The following PRMT8 variants were observed in gnomAD, a reference collection of about 807,000 sequenced individuals.
The protein encoded by PRMT8 is protein arginine N-methyltransferase 8.
Under a neutral mutation model 47.1 loss-of-function variants are expected in PRMT8, and 7 were observed. The ratio of observed to expected loss-of-function variants is 0.15; its 90% CI spans 0.08 to 0.28. The LOEUF (loss-of-function observed/expected upper bound fraction) is 0.28, where lower values mean the gene tolerates loss of function less well. Among genes scored for constraint, PRMT8 ranks in the 10% least tolerant of loss-of-function variants. PRMT8 has a pLI of 1.00. For missense variants in PRMT8, 237 were observed against 505.4 expected (o/e 0.47, Z 5.09); for synonymous variants, 188 against 186.5 (o/e 1.01, Z -0.07).
intron 1 of PRMT8, among the ~76,000 whole-genome samples, chr12:3,430,083 C>T (rs1355540109): frequency 6.6e-6 from 1 of 152,234 alleles, no homozygotes; most frequent in Non-Finnish European, 1.5e-5. Context: ...AAACTGAGCT[C>T]TCTGAGTGAG....
chr12:3,384,392 A>G (rs1222158564), intron 1 of PRMT8, among the ~76,000 whole-genome samples: 2 of 152,142 alleles, frequency 1.3e-5, no homozygotes, highest in African/African-American at 2.4e-5. Context: ...ACAATATACT[A>G]TTTACACTAT....
chr12:3,424,386 C>T (rs1308105299), intron 1 of PRMT8, among the ~76,000 whole-genome samples: 1 of 152,172 alleles, frequency 6.6e-6, no homozygotes, highest in East Asian at 1.9e-4. Context: ...GCAAATGACG[C>T]AAGACCAGCA....
intron 1 of PRMT8, among the ~76,000 whole-genome samples, chr12:3,442,413 G>A (rs1221567890): frequency 6.6e-6 from 1 of 152,110 alleles, no homozygotes; most frequent in Non-Finnish European, 1.5e-5. Context: ...GGGAGGCAGA[G>A]AAAAGGGGAG....
chr12:3,405,378 C>T (rs1864362235), intron 1 of PRMT8, among the ~76,000 whole-genome samples: 2 of 152,156 alleles, frequency 1.3e-5, no homozygotes, highest in Admixed American at 1.3e-4. Context: ...ACAGCCAAAC[C>T]ATGTCATTCC....
chr12:3,553,444 C>G (rs71581776), intron 3 of PRMT8: 21,814 of 606,300 alleles, frequency 0.036, 590 homozygotes, highest in Middle Eastern at 0.073. Context: ...TCAGTCTTTT[C>G]GCAAAGGCAG....
chr12:3,583,753 C>T lies in PRMT8; in HGVS notation c.979+545C>T, dbSNP rs1867116683. On this transcript the variant is annotated intron_variant, in intron 8 of 9. Transcript: ENST00000382622. This position sits in a 1 kb window ranked among gnomAD's most constrained non-coding sequence, Gnocchi z 4.7. ...AAATCCCAGCCCCGCTTACGAGGTG[C>T]CTCGCTGCCTGCAGTAGATAAGCCT... 6.6e-6 allele frequency among the ~76,000 whole-genome samples: 1 copy of T among 152,242 alleles called. No individual in the cohort carries two copies. Among genetic ancestry groups the T allele is most frequent in the South Asian group, 2.1e-4 (1 of 4,826 alleles).
At chr12:3,523,878 A>C (rs139043786) in intron 1 of PRMT8, among the ~76,000 whole-genome samples, 11 of 152,216 alleles carry the variant, frequency 7.2e-5, no homozygotes, top group African/African-American at 1.9e-4. Context: ...CTGCCTCTCT[A>C]TGCAGGGGCA....
intron 1 of PRMT8, among the ~76,000 whole-genome samples, chr12:3,464,530 A>G (rs1169606605): frequency 6.6e-6 from 1 of 152,084 alleles, no homozygotes; most frequent in Non-Finnish European, 1.5e-5. Flanking sequence ...TAATTTTTCC[A>G]AGTACACATG....
At chr12:3,539,246 A>T (rs1190506685) in intron 1 of PRMT8, among the ~76,000 whole-genome samples, 1 of 152,032 alleles carries the variant, frequency 6.6e-6, no homozygotes, top group Non-Finnish European at 1.5e-5. Context: ...TTTTGGACAA[A>T]TTTTTCAGGT....
intron 1 of PRMT8, among the ~76,000 whole-genome samples, chr12:3,482,919 A>G (rs1865288579): frequency 6.6e-6 from 1 of 152,176 alleles, no homozygotes; most frequent in Non-Finnish European, 1.5e-5. Flanking sequence ...CAACGTGTCC[A>G]AGATCATAGA....
intron 1 of PRMT8, among the ~76,000 whole-genome samples, chr12:3,483,182 C>T (rs1290742128): frequency 6.6e-6 from 1 of 152,202 alleles, no homozygotes; most frequent in Non-Finnish European, 1.5e-5. Flanking sequence ...CACAGCACAG[C>T]ACCCGGTCCG....
upstream of PRMT8, among the ~76,000 whole-genome samples, chr12:3,488,634 T>C (rs932988361): frequency 6.6e-6 from 1 of 152,236 alleles, no homozygotes; most frequent in Non-Finnish European, 1.5e-5. Context: ...GGCTAGTGCC[T>C]ATTAATGAGC....
intron 1 of PRMT8, among the ~76,000 whole-genome samples, chr12:3,451,307 C>T (rs144396577): frequency 1.6e-4 from 24 of 152,118 alleles, no homozygotes; most frequent in African/African-American, 3.4e-4. Context: ...GCCCAGAAAG[C>T]GGGAGTGACA....
rs1448716290 is a variant in PRMT8 at position 3,538,440 on chromosome 12, C to T, written c.76-2166C>T. ...TGGAATTAAAAGCAACACCCCATGTCGCTGAATGTTCAGGGATCACAGGCC... is the reference window on the plus strand; with the variant it reads ...TGGAATTAAAAGCAACACCCCATGTTGCTGAATGTTCAGGGATCACAGGCC... On this transcript the variant is annotated intron_variant, in intron 1 of 9. Transcript: ENST00000382622. This position sits in a 1 kb window ranked among gnomAD's most constrained non-coding sequence, Gnocchi z 4.6. 3.7e-5 allele frequency: 13 copies of T among 350,772 alleles called. No homozygotes were observed. The highest frequency in any genetic ancestry group is 1.5e-4 in the Admixed American group (4 of 26,652). 21.7% of individuals were successfully genotyped at this position (350,772 alleles called of 1,614,324 possible).
At chr12:3,386,039 C>T (rs1039093417) in intron 1 of PRMT8, among the ~76,000 whole-genome samples, 3 of 152,242 alleles carry the variant, frequency 2.0e-5, no homozygotes, top group Admixed American at 6.5e-5. Flanking sequence ...GACTTCTACT[C>T]AAGAGCTAGT....
At chr12:3,574,101 T>C (rs970245813) in intron 6 of PRMT8, 16 of 152,188 alleles carry the variant, frequency 1.1e-4, no homozygotes, top group Admixed American at 2.6e-4. Flanking sequence ...ACACCAGGCA[T>C]TGCAAAACAG....
rs565234383 is a variant in PRMT8 at position 3,561,272 on chromosome 12, C to A, written c.482-7434C>A. Reference sequence around the variant, plus strand: ...CAGATGCTGCACTTGTGGCAATGCACCTCCAGTTTCTGCCTGCCAGCGGTT... The same window carrying A: ...CAGATGCTGCACTTGTGGCAATGCAACTCCAGTTTCTGCCTGCCAGCGGTT... On this transcript the variant is annotated intron_variant, in intron 4 of 9. Coordinates refer to ENST00000382622, the MANE Select transcript of PRMT8 (RefSeq NM_019854.5). Among the ~76,000 whole-genome samples, 16 of 152,294 alleles carry A rather than the reference C, an allele frequency of 1.1e-4. No individual in the cohort carries two copies. In the South Asian group the frequency reaches 3.3e-3, roughly 32 times the overall value.
At chr12:3,420,511 T>C (rs1343312649) in intron 1 of PRMT8, among the ~76,000 whole-genome samples, 1 of 152,196 alleles carries the variant, frequency 6.6e-6, no homozygotes, top group Non-Finnish European at 1.5e-5. Flanking sequence ...AGCCAGACGC[T>C]GTGACAGCCT....
At chr12:3,405,981 C>T (rs1333380105) in intron 1 of PRMT8, among the ~76,000 whole-genome samples, 1 of 152,246 alleles carries the variant, frequency 6.6e-6, no homozygotes, top group Non-Finnish European at 1.5e-5. Flanking sequence ...ACTGCCCTAG[C>T]AGAGGTTCTT....
Sources: allele counts gnomAD v4.1 joint callset (sites outside exome capture counted in the v4.1 genomes callset), GRCh38; gene constraint gnomAD v4.1.1; non-coding constraint Gnocchi (gnomAD v3.1); transcripts MANE v1.5; gene names NCBI Gene and HGNC (gene_info 2026-07-23, HGNC 2026-07-21).